Variants in THSD7A observed in about 807,000 individuals in gnomAD.
The protein encoded by THSD7A is thrombospondin type 1 domain containing 7A, also known as thrombospondin type-1 domain-containing protein 7A.
Under a neutral mutation model 231.3 loss-of-function variants are expected in THSD7A, and 96 were observed. The observed-to-expected ratio is 0.41, with a 90% CI of 0.35 to 0.49. The LOEUF (loss-of-function observed/expected upper bound fraction) is 0.49. Among genes scored for constraint, THSD7A ranks in the 20% least tolerant of loss-of-function variants. The probability of loss-of-function intolerance (pLI) is 0.05; values close to 1 mark genes in which losing one functional copy is unlikely to be tolerated. For missense variants in THSD7A, 2,290 were observed against 2,070.2 expected (o/e 1.11, Z -2.06); for synonymous variants, 940 against 743.3 (o/e 1.26, Z -4.30).
At chr7:11,433,507 A>G (rs1435240347) in intron 13 of THSD7A, among the ~76,000 whole-genome samples, 2 of 152,070 alleles carry the variant, frequency 1.3e-5, no homozygotes, top group East Asian at 3.9e-4. Context: ...ACAATGAATT[A>G]AGAACCATCC....
intron 1 of THSD7A, among the ~76,000 whole-genome samples, chr7:11,772,386 G>T (rs539774209): frequency 6.6e-6 from 1 of 152,052 alleles, no homozygotes; most frequent in Admixed American, 6.6e-5. Flanking sequence ...ATATGCAAAG[G>T]AATATAAATC....
chr7:11,512,794 G>A (rs1471107615), intron 6 of THSD7A, among the ~76,000 whole-genome samples: 1 of 104,800 alleles, frequency 9.5e-6, no homozygotes, highest in Admixed American at 1.1e-4. Context: ...GGGGGGAGGG[G>A]GGAGGGATAG....
In THSD7A at chr7:11,832,144, C is replaced by T; in HGVS notation, c.-198G>A. 2.9e-6 allele frequency: 1 copy of T among 344,544 alleles called. No homozygotes were observed. Among genetic ancestry groups the T allele is most frequent in the Non-Finnish European group, 5.1e-6 (1 of 195,542 alleles). The allele number at this position is 344,544 out of a possible 1,614,324, so 21.3% of individuals were successfully genotyped here. ...GCGGTGGTGGCCGTGGCCGCTGCCG[C>T]CGCCGCCGCCGCCTCTGGCGGGGAT... On this transcript the variant is annotated 5_prime_UTR_variant, in exon 1 of 28. Coordinates refer to ENST00000423059, the MANE Select transcript of THSD7A (RefSeq NM_015204.3).
At chr7:11,481,704 A>G in intron 7 of THSD7A, 84 bp downstream of exon 7, 2 of 1,365,014 alleles carry the variant, frequency 1.5e-6, no homozygotes, top group African/African-American at 1.5e-5. Flanking sequence ...CTTTCATAGA[A>G]TATCATCTTT....
intron 1 of THSD7A, among the ~76,000 whole-genome samples, chr7:11,695,925 C>G (rs772679799): frequency 6.6e-6 from 1 of 151,490 alleles, no homozygotes; most frequent in Admixed American, 6.6e-5. Context: ...AGATAGGAGG[C>G]TATTGCAGTG....
At chr7:11,379,561 A>T (rs1265442411) in intron 25 of THSD7A, 69 bp downstream of exon 25, 1 of 1,365,410 alleles carries the variant, frequency 7.3e-7, no homozygotes, top group Non-Finnish European at 1.0e-6. Flanking sequence ...AGGAAGATAA[A>T]CTGCATAAGA....
chr7:11,648,380 T>C (rs1266061878), intron 1 of THSD7A, among the ~76,000 whole-genome samples: 1 of 152,032 alleles, frequency 6.6e-6, no homozygotes, highest in Non-Finnish European at 1.5e-5. Flanking sequence ...GAAGGTCCTC[T>C]CTGTAAAAGA....
chr7:11,479,002 T>A (rs139283683), intron 7 of THSD7A, among the ~76,000 whole-genome samples: 17 of 152,290 alleles, frequency 1.1e-4, no homozygotes, highest in African/African-American at 3.8e-4. Flanking sequence ...ATGCTTAAAA[T>A]CGACAGATAG....
At chr7:11,731,832 G>C (rs1781746484) in intron 1 of THSD7A, among the ~76,000 whole-genome samples, 1 of 151,528 alleles carries the variant, frequency 6.6e-6, no homozygotes, top group Non-Finnish European at 1.5e-5. Flanking sequence ...TATGAGACAT[G>C]GCATTCCATC....
chr7:11,605,438 A>C (rs183724323), intron 2 of THSD7A, among the ~76,000 whole-genome samples: 2 of 152,170 alleles, frequency 1.3e-5, no homozygotes, highest in Admixed American at 1.3e-4. Context: ...GTCTAATCTA[A>C]AGTTTTGCTA....
intron 1 of THSD7A, among the ~76,000 whole-genome samples, chr7:11,684,824 A>G (rs1017175753): frequency 3.9e-5 from 6 of 152,030 alleles, no homozygotes; most frequent in Non-Finnish European, 8.8e-5. Flanking sequence ...ATTCTAAGCA[A>G]TTCCTATCAA....
At chr7:11,510,542 C>T (rs1434715751) in intron 6 of THSD7A, among the ~76,000 whole-genome samples, 4 of 152,026 alleles carry the variant, frequency 2.6e-5, no homozygotes, top group Admixed American at 6.6e-5. Context: ...ACTGGCAAAC[C>T]GAATCCAGCA....
intron 6 of THSD7A, among the ~76,000 whole-genome samples, chr7:11,484,971 A>G (rs1188924865): frequency 7.7e-6 from 1 of 129,492 alleles, no homozygotes; most frequent in Non-Finnish European, 1.5e-5. Context: ...GCTTACTGCA[A>G]CCTCCACCTC....
chr7:11,742,748 C>T (rs1309327752), intron 1 of THSD7A, among the ~76,000 whole-genome samples: 1 of 151,902 alleles, frequency 6.6e-6, no homozygotes, highest in African/African-American at 2.4e-5. Flanking sequence ...ATCACCTTCA[C>T]ATCTCTAAAT....
At chr7:11,415,184 T>TA (rs1183228676) in intron 17 of THSD7A, among the ~76,000 whole-genome samples, 3 of 152,192 alleles carry the variant, frequency 2.0e-5, no homozygotes, top group Non-Finnish European at 2.9e-5. Context: ...GGAAAGTTTT[T>TA]AAAAAAATCT....
chr7:11,615,307 C>G (rs1291840988), intron 2 of THSD7A, among the ~76,000 whole-genome samples: 1 of 152,142 alleles, frequency 6.6e-6, no homozygotes, highest in African/African-American at 2.4e-5. Flanking sequence ...GCTTCTGGTT[C>G]TAAAGATATT....
intron 1 of THSD7A, among the ~76,000 whole-genome samples, chr7:11,788,181 A>G (rs11976664): frequency 0.019 from 2,855 of 152,180 alleles, 79 homozygotes; most frequent in African/African-American, 0.065. Flanking sequence ...TATTTGTGTC[A>G]TTAATATCTC....
intron 2 of THSD7A, among the ~76,000 whole-genome samples, chr7:11,603,126 C>G (rs550909649): frequency 2.0e-5 from 3 of 151,442 alleles, no homozygotes; most frequent in African/African-American, 7.3e-5. Context: ...GCAACCTACT[C>G]ATCTGACAAA....
At position 11,497,457 on chromosome 7, in the gene THSD7A, G is replaced by T. The variant is rs144490299; in HGVS notation, c.1823-15475C>A. Among the ~76,000 whole-genome samples, 10 of 152,252 alleles carry T rather than the reference G, an allele frequency of 6.6e-5. No individual in the cohort carries two copies. The East Asian group carries it at 1.9e-3, about 29-fold the overall frequency. On this transcript the variant is annotated intron_variant, in intron 6 of 27. Coordinates refer to ENST00000423059, the MANE Select transcript of THSD7A (RefSeq NM_015204.3). ...TGTACCTCATTGCATTTCTTTAGGGGACATTAGGAATAAGGTAACTCCTGA... is the reference window on the plus strand; with the variant it reads ...TGTACCTCATTGCATTTCTTTAGGGTACATTAGGAATAAGGTAACTCCTGA...
Sources: gnomAD v4.1 joint callset for allele counts (sites outside exome capture counted in the v4.1 genomes callset) on GRCh38, gnomAD v4.1.1 for gene constraint, MANE v1.5 for transcripts, NCBI Gene and HGNC (gene_info 2026-07-23, HGNC 2026-07-21) for gene names.